Variants in THSD4 observed in about 807,000 individuals in gnomAD.
The protein encoded by THSD4 is thrombospondin type-1 domain-containing protein 4.
Under a neutral mutation model 119.0 loss-of-function variants are expected in THSD4, and 69 were observed. That is an observed-to-expected ratio of 0.58 (90% CI 0.48 to 0.71). THSD4 has a LOEUF of 0.71. Among genes scored for constraint, THSD4 ranks in the 30% least tolerant of loss-of-function variants. The pLI is 0.00. For synonymous variants in THSD4, 524 were observed against 540.4 expected, an observed-to-expected ratio of 0.97 and a Z score of 0.42; for missense variants, 1,393 against 1,391.1, an observed-to-expected ratio of 1.00 and a Z score of -0.02.
chr15:71,394,459 G>C (rs1012174873), intron 6 of THSD4, among the ~76,000 whole-genome samples: 6 of 152,068 alleles, frequency 3.9e-5, no homozygotes, highest in Non-Finnish European at 7.4e-5. Flanking sequence ...TTTTAGTAGA[G>C]ACGGTGTTTC....
intron 17 of THSD4, among the ~76,000 whole-genome samples, chr15:71,774,533 C>T (rs2053879995): frequency 6.6e-6 from 1 of 152,126 alleles, no homozygotes; most frequent in African/African-American, 2.4e-5. Flanking sequence ...TTATCAATAT[C>T]TATCAAGATA....
At chr15:71,352,423 T>C (rs541061905) in intron 6 of THSD4, among the ~76,000 whole-genome samples, 1 of 152,322 alleles carries the variant, frequency 6.6e-6, no homozygotes, top group East Asian at 1.9e-4. Context: ...TGTATGGAGA[T>C]AAATTACAGG....
In THSD4 at chr15:71,680,877, A is replaced by G. The variant is rs151189772; in HGVS notation, c.1357+20143A>G. On this transcript the variant is annotated intron_variant, in intron 8 of 17. Coordinates refer to ENST00000261862, the MANE Select transcript of THSD4 (RefSeq NM_024817.3). ...AGCATCTAGCACAATGACTGGCACA[A>G]AATACTTATTCAATAAACATCAGAT... Among the ~76,000 whole-genome samples, 15 of 152,282 alleles carry G rather than the reference A, an allele frequency of 9.9e-5. No homozygotes were observed. In the East Asian group the frequency reaches 2.9e-3, roughly 29 times the overall value.
intron 6 of THSD4, among the ~76,000 whole-genome samples, chr15:71,393,789 G>T (rs1040216981): frequency 7.2e-5 from 11 of 152,188 alleles, no homozygotes; most frequent in Admixed American, 7.2e-4. Flanking sequence ...GTCTCTATCT[G>T]TGACCTTGAG....
chr15:71,224,722 G>A (rs966216473), intron 4 of THSD4, among the ~76,000 whole-genome samples: 1 of 152,176 alleles, frequency 6.6e-6, no homozygotes, highest in Non-Finnish European at 1.5e-5. Flanking sequence ...TTGAGAGGCT[G>A]CCTACTTGCA....
At chr15:71,540,715 C>T (rs2048748100) in intron 7 of THSD4, among the ~76,000 whole-genome samples, 1 of 137,010 alleles carries the variant, frequency 7.3e-6, no homozygotes, top group African/African-American at 2.7e-5. Context: ...GCATGAGCCA[C>T]TGCACCTGGC....
chr15:71,371,826 G>A lies in THSD4; in HGVS notation c.1016-39861G>A, dbSNP rs1596375979. On this transcript the variant is annotated intron_variant, in intron 6 of 17. Transcript: ENST00000261862. ...ATTTCCTGAATTTGAATGTTGGCCT[G>A]CCTTGCTAGGTTGGGGAAGTTCTTC... is the stretch of plus-strand genomic sequence containing the variant. Among the ~76,000 whole-genome samples the A allele has an allele frequency of 2.0e-5, 3 of 152,300 alleles. No individual in the cohort carries two copies. The East Asian group carries it at 5.8e-4, about 29-fold the overall frequency.
intron 1 of THSD4, among the ~76,000 whole-genome samples, chr15:71,129,772 G>A (rs2040486743): frequency 6.6e-6 from 1 of 152,184 alleles, no homozygotes; most frequent in Non-Finnish European, 1.5e-5. Flanking sequence ...ACGTTGCACA[G>A]TGGTGATTGC....
At chr15:71,148,938 G>C (rs184460792) in intron 2 of THSD4, among the ~76,000 whole-genome samples, 4 of 152,248 alleles carry the variant, frequency 2.6e-5, no homozygotes, top group African/African-American at 9.6e-5. Flanking sequence ...CTGATAGGAT[G>C]GTTATGAAGT....
At chr15:71,238,481 T>A (rs1348635429) in intron 4 of THSD4, among the ~76,000 whole-genome samples, 1 of 152,154 alleles carries the variant, frequency 6.6e-6, no homozygotes, top group Non-Finnish European at 1.5e-5. Context: ...TTTTCCCCTC[T>A]CTCCCCAATC....
intron 6 of THSD4, among the ~76,000 whole-genome samples, chr15:71,355,244 C>T (rs138083279): frequency 2.0e-4 from 30 of 152,284 alleles, no homozygotes; most frequent in African/African-American, 5.8e-4. Context: ...TGATATAACA[C>T]GCTTATTGCA....
At chr15:71,228,437 C>A (rs947466609) in intron 4 of THSD4, among the ~76,000 whole-genome samples, 1 of 152,026 alleles carries the variant, frequency 6.6e-6, no homozygotes, top group Non-Finnish European at 1.5e-5. Flanking sequence ...AAATTTCTGG[C>A]CTCCAGAACT....
chr15:71,631,497 C>T (rs1486481886), intron 7 of THSD4, among the ~76,000 whole-genome samples: 2 of 152,136 alleles, frequency 1.3e-5, no homozygotes, highest in Admixed American at 6.5e-5. Context: ...ATGAAGAAGG[C>T]CTGTGCTCTT....
intron 3 of THSD4, among the ~76,000 whole-genome samples, chr15:71,167,770 G>C (rs928755028): frequency 1.4e-4 from 21 of 152,194 alleles, no homozygotes; most frequent in Admixed American, 5.9e-4. Flanking sequence ...AGTTTAGTAT[G>C]TATATGAAAA....
At chr15:71,773,988 C>G (rs1285482815) in intron 17 of THSD4, among the ~76,000 whole-genome samples, 1 of 152,064 alleles carries the variant, frequency 6.6e-6, no homozygotes, top group Non-Finnish European at 1.5e-5. Context: ...GACAAGTGGT[C>G]CAGTTTTGTA....
chr15:71,516,263 TTACTC>T (rs1056688106), intron 7 of THSD4, among the ~76,000 whole-genome samples: 1 of 152,168 alleles, frequency 6.6e-6, no homozygotes, highest in African/African-American at 2.4e-5. Context: ...CATACTTTAT[TTACTC>T]TACACAATGT....
chr15:71,233,070 C>T lies in THSD4; in HGVS notation c.465-9579C>T, dbSNP rs998311392. 6.6e-5 allele frequency among the ~76,000 whole-genome samples: 10 copies of T among 152,274 alleles called. No homozygotes were observed. The East Asian group carries it at 9.6e-4, about 15-fold the overall frequency. On this transcript the variant is annotated intron_variant, in intron 4 of 17. Coordinates refer to ENST00000261862, the MANE Select transcript of THSD4 (RefSeq NM_024817.3). ...GCATATTCAGACTCTAAGAAGCTTC[C>T]GCCTCGGTATGAGCTTGATGCTGGT...
At chr15:71,620,585 G>A (rs2050403245) in intron 7 of THSD4, among the ~76,000 whole-genome samples, 1 of 152,142 alleles carries the variant, frequency 6.6e-6, no homozygotes, top group Non-Finnish European at 1.5e-5. Context: ...GGCACCAAGA[G>A]TAGCTCATTA....
At chr15:71,165,355 T>C in intron 3 of THSD4, 1 of 1,516,196 alleles carries the variant, frequency 6.6e-7, no homozygotes, top group Non-Finnish European at 9.1e-7. Context: ...TCCCGACGTT[T>C]GCACAAAAAA....
Sources: gnomAD v4.1 joint callset for allele counts (sites outside exome capture counted in the v4.1 genomes callset) on GRCh38, gnomAD v4.1.1 for gene constraint, MANE v1.5 for transcripts, NCBI Gene and HGNC (gene_info 2026-07-23, HGNC 2026-07-21) for gene names.